Variants in CPVL observed in about 807,000 individuals in gnomAD.
CPVL encodes probable serine carboxypeptidase CPVL.
A neutral mutation model predicts 63.7 loss-of-function variants in CPVL; 51 were observed. The observed-to-expected ratio is 0.80, with a 90% CI of 0.64 to 1.01. The LOEUF is 1.01. Ranked by LOEUF, CPVL falls within the 50% of genes least tolerant of loss-of-function variation. The pLI is 0.00. For missense variants in CPVL, 530 were observed against 573.1 expected (o/e 0.92, Z 0.77); for synonymous variants, 195 against 206.0 (o/e 0.95, Z 0.46).
At chr7:29,179,741 C>A (rs1797828348) in intron 5 of CPVL, among the ~76,000 whole-genome samples, 1 of 152,240 alleles carries the variant, frequency 6.6e-6, no homozygotes, top group South Asian at 2.1e-4. Context: ...TATTTTATAT[C>A]AATGCAAAAC....
intron 12 of CPVL, among the ~76,000 whole-genome samples, chr7:29,018,168 A>G (rs928449054): frequency 1.3e-5 from 2 of 152,232 alleles, no homozygotes; most frequent in African/African-American, 4.8e-5. Flanking sequence ...AGATTCGGTA[A>G]AAATGAAAAC....
intron 9 of CPVL, among the ~76,000 whole-genome samples, chr7:29,067,836 C>A (rs1350652677): frequency 1.3e-5 from 2 of 151,996 alleles, no homozygotes; most frequent in Admixed American, 1.3e-4. Context: ...GCCGAGGACA[C>A]CTCACTAATA....
At chr7:29,094,672 A>AC (rs945343695) in intron 5 of CPVL, among the ~76,000 whole-genome samples, 1 of 151,326 alleles carries the variant, frequency 6.6e-6, no homozygotes, top group Non-Finnish European at 1.5e-5. Context: ...CATGGTGAAC[A>AC]CCCCCCACCC....
At chr7:29,141,549 CAAAAAATAAAAAT>C (rs1363305779) in intron 1 of CPVL, among the ~76,000 whole-genome samples, 1 of 151,242 alleles carries the variant, frequency 6.6e-6, no homozygotes, top group East Asian at 1.9e-4. Flanking sequence ...AACTCCATTT[CAAAAAATAAAAAT>C]AAAAAATAAA....
At chr7:29,130,581 C>A (rs769595659) in intron 1 of CPVL, among the ~76,000 whole-genome samples, 1 of 152,084 alleles carries the variant, frequency 6.6e-6, no homozygotes, top group East Asian at 1.9e-4. Flanking sequence ...AAGGCCAGAG[C>A]TTTATATGAG....
At chr7:29,010,316 T>G (rs979767288) in intron 12 of CPVL, 1 of 151,738 alleles carries the variant, frequency 6.6e-6, no homozygotes, top group African/African-American at 2.4e-5. Context: ...TGTAAGCTCC[T>G]ATATTTCCTG....
chr7:29,111,911 G>A (rs1469120895), intron 3 of CPVL, among the ~76,000 whole-genome samples: 1 of 152,160 alleles, frequency 6.6e-6, no homozygotes, highest in African/African-American at 2.4e-5. Flanking sequence ...CCAATTTGGA[G>A]GATGAAAACA....
At chr7:29,096,354 T>C in intron 3 of CPVL, 137 bp from the exon 4 acceptor site, 1 of 671,712 alleles carries the variant, frequency 1.5e-6, no homozygotes, top group South Asian at 1.7e-5. Flanking sequence ...CAGACCTCAG[T>C]AACCACTCTC....
chr7:29,069,182 G>A (rs1208136353), intron 9 of CPVL, among the ~76,000 whole-genome samples: 1 of 151,374 alleles, frequency 6.6e-6, no homozygotes, highest in East Asian at 2.0e-4. Flanking sequence ...GCTCACAGCT[G>A]TAATCCCAGC....
chr7:29,078,897 C>A (rs1237996133), intron 7 of CPVL, among the ~76,000 whole-genome samples: 1 of 152,026 alleles, frequency 6.6e-6, no homozygotes, highest in Non-Finnish European at 1.5e-5. Context: ...ATTTTCAATT[C>A]AAAAAGAAAA....
intron 1 of CPVL, among the ~76,000 whole-genome samples, chr7:29,138,603 C>T (rs1791510227): frequency 6.6e-6 from 1 of 152,032 alleles, no homozygotes; most frequent in South Asian, 2.1e-4. Context: ...GAGAGAGACC[C>T]AGATCCCTGG....
chr7:29,008,117 G>T (rs528446046), intron 12 of CPVL, among the ~76,000 whole-genome samples: 1 of 152,258 alleles, frequency 6.6e-6, no homozygotes, highest in East Asian at 1.9e-4. Context: ...TGTCAGAGGA[G>T]TACAAAGGGC....
At chr7:29,032,621 T>C (rs1384057827) in intron 11 of CPVL, among the ~76,000 whole-genome samples, 4 of 152,196 alleles carry the variant, frequency 2.6e-5, no homozygotes, top group Non-Finnish European at 5.9e-5. Context: ...GACCTGATTA[T>C]AGCTGATTAG....
Position 29,041,675 on chromosome 7 carries a change from G to C in CPVL, c.1138-10916C>G, listed in dbSNP as rs542444349. Among the ~76,000 whole-genome samples the C allele has an allele frequency of 2.0e-5, 3 of 152,234 alleles. No homozygotes were observed. The East Asian group carries it at 5.8e-4, about 29-fold the overall frequency. On this transcript the variant is annotated intron_variant, in intron 11 of 12. Coordinates refer to ENST00000265394, the MANE Select transcript of CPVL (RefSeq NM_031311.5). ...GCCCTGCAAGAGCAAAGAAAAAAAT[G>C]CTTTAATTTATAGACAGTTAAATCT...
intron 11 of CPVL, among the ~76,000 whole-genome samples, chr7:29,052,781 C>T (rs1039898554): frequency 3.3e-5 from 5 of 152,040 alleles, no homozygotes; most frequent in African/African-American, 9.7e-5. Flanking sequence ...TGGTGACATG[C>T]ACCTGTAATC....
intron 7 of CPVL, among the ~76,000 whole-genome samples, chr7:29,085,205 C>T (rs1785086733): frequency 1.3e-5 from 2 of 152,114 alleles, no homozygotes; most frequent in Non-Finnish European, 2.9e-5. Context: ...TGACTGATTC[C>T]AAGGCTAGGG....
chr7:29,058,335 C>T (rs924534217), intron 11 of CPVL, among the ~76,000 whole-genome samples: 1 of 152,068 alleles, frequency 6.6e-6, no homozygotes, highest in African/African-American at 2.4e-5. Context: ...ATTGGGAGTA[C>T]ATAGGAAAGT....
At chr7:29,055,260 T>C (rs1196343564) in intron 11 of CPVL, among the ~76,000 whole-genome samples, 3 of 152,138 alleles carry the variant, frequency 2.0e-5, no homozygotes, top group Non-Finnish European at 4.4e-5. Flanking sequence ...TATTTATTTA[T>C]TTATTTTGAG....
At chr7:29,193,634 G>A (rs867073510) in intron 1 of CPVL, 2 of 152,128 alleles carry the variant, frequency 1.3e-5, no homozygotes, top group African/African-American at 2.4e-5. Context: ...AATCTGCATG[G>A]TATTTCCTCC....
Sources: gnomAD v4.1 joint callset for allele counts (sites outside exome capture counted in the v4.1 genomes callset) on GRCh38, gnomAD v4.1.1 for gene constraint, MANE v1.5 for transcripts, NCBI Gene and HGNC (gene_info 2026-07-23, HGNC 2026-07-21) for gene names.